The following FBXL17 variants were observed in gnomAD, a reference collection of about 807,000 sequenced individuals.
The protein encoded by FBXL17 is F-box and leucine rich repeat protein 17.
In FBXL17, 22 loss-of-function variants were observed where a neutral mutation model predicts 66.2. That is an observed-to-expected ratio of 0.33 (90% CI 0.24 to 0.47). The LOEUF is 0.47. Among genes scored for constraint, FBXL17 ranks in the 20% least tolerant of loss-of-function variants. FBXL17 has a pLI of 1.00. For missense variants in FBXL17, 878 were observed against 948.2 expected, an observed-to-expected ratio of 0.93 and a Z score of 0.97; for synonymous variants, 474 against 400.5, an observed-to-expected ratio of 1.18 and a Z score of -2.19.
chr5:108,375,871 A>G (rs1749389897), intron 1 of FBXL17, among the ~76,000 whole-genome samples: 1 of 152,226 alleles, frequency 6.6e-6, no homozygotes, highest in Non-Finnish European at 1.5e-5. Context: ...AATCTTCAAT[A>G]AAATATAAGG....
At chr5:108,249,187 T>C (rs1390559097) in intron 4 of FBXL17, among the ~76,000 whole-genome samples, 1 of 152,046 alleles carries the variant, frequency 6.6e-6, no homozygotes, top group Non-Finnish European at 1.5e-5. Context: ...GGTACACTAA[T>C]CATTCCTTGG....
intron 6 of FBXL17, among the ~76,000 whole-genome samples, chr5:108,026,293 T>G (rs1216578877): frequency 6.6e-6 from 1 of 152,248 alleles, no homozygotes; most frequent in African/African-American, 2.4e-5. Context: ...AATAGTTTTT[T>G]TTTAATCTTC....
intron 4 of FBXL17, among the ~76,000 whole-genome samples, chr5:108,256,267 C>T (rs1343940690): frequency 6.6e-6 from 1 of 152,120 alleles, no homozygotes; most frequent in Non-Finnish European, 1.5e-5. Flanking sequence ...AAGTACTATG[C>T]CTTCTAAAGA....
intron 4 of FBXL17, among the ~76,000 whole-genome samples, chr5:108,232,791 A>ATATATATATATATATATATATAT (rs1482414017): frequency 8.7e-6 from 1 of 114,962 alleles, no homozygotes; most frequent in Admixed American, 9.0e-5. Flanking sequence ...ACATATATAT[A>ATATATATATATATATATATATAT]TATATATATA....
At chr5:108,207,502 C>A (rs1037799469) in intron 5 of FBXL17, among the ~76,000 whole-genome samples, 8 of 152,072 alleles carry the variant, frequency 5.3e-5, no homozygotes, top group African/African-American at 1.9e-4. Flanking sequence ...CCAACAGGCC[C>A]CGGAGTGTGA....
intron 6 of FBXL17, among the ~76,000 whole-genome samples, chr5:108,062,591 T>C (rs1747964960): frequency 6.6e-6 from 1 of 152,152 alleles, no homozygotes; most frequent in African/African-American, 2.4e-5. Context: ...ATAGGAAACA[T>C]ATTAAATATA....
rs911744571 is a variant in FBXL17 at position 107,861,968 on chromosome 5, C to T, written c.1966-108G>A. The T allele has an allele frequency of 1.4e-5, 17 of 1,200,468 alleles. No homozygotes were observed. In the East Asian group the frequency reaches 2.8e-4, roughly 20 times the overall value. The allele number at this position is 1,200,468 out of a possible 1,614,324, so 74.4% of individuals were successfully genotyped here. ...GGCTCACTGTGACACGAAGAGCCCT[C>T]GCCTTGTTCCTCCTAGCGATGTGAG... On this transcript the variant is annotated intron_variant, in intron 8 of 8. Transcript: ENST00000542267.
At chr5:108,037,853 C>G (rs994381660) in intron 6 of FBXL17, among the ~76,000 whole-genome samples, 1 of 152,098 alleles carries the variant, frequency 6.6e-6, no homozygotes, top group African/African-American at 2.4e-5. Flanking sequence ...ACATTATGTG[C>G]CTCGTGATTT....
chr5:107,889,555 C>G (rs1749123421), intron 7 of FBXL17, among the ~76,000 whole-genome samples: 2 of 152,184 alleles, frequency 1.3e-5, no homozygotes, highest in Admixed American at 6.5e-5. Flanking sequence ...TTCAGAAGAG[C>G]AACACGTAGG....
intron 6 of FBXL17, among the ~76,000 whole-genome samples, chr5:108,165,846 T>C (rs996682684): frequency 2.0e-4 from 30 of 152,216 alleles, no homozygotes; most frequent in Non-Finnish European, 4.4e-4. Flanking sequence ...CTTATTAATG[T>C]ACACTTTAGT....
chr5:108,092,825 T>G (rs1749234832), intron 6 of FBXL17, among the ~76,000 whole-genome samples: 1 of 152,188 alleles, frequency 6.6e-6, no homozygotes, highest in Non-Finnish European at 1.5e-5. Flanking sequence ...ACTGTTAAGA[T>G]GTATGACATA....
Position 108,381,626 on chromosome 5 carries a change from A to G in FBXL17, c.66T>C (p.Ser22=), listed in dbSNP as rs1253435746. ...RPSQKRPRCC[S]WCRRRRPLLR... ...GGAGAGGGCGCCGGCGGCGGCACCA[A>G]CTGCAACAGCGAGGCCTCTTCTGGC... is the stretch of plus-strand genomic sequence containing the variant. Residue 22 remains serine (S), a synonymous_variant, in exon 1 of 9, where the codon AGT becomes AGC. Coordinates refer to ENST00000542267, the MANE Select transcript of FBXL17 (RefSeq NM_001163315.3). 4.0e-6 allele frequency: 6 copies of G among 1,493,408 alleles called. No individual in the cohort carries two copies. The highest frequency in any genetic ancestry group is 2.9e-5 in the African/African-American group (2 of 68,636). 92.5% of individuals were successfully genotyped at this position (1,493,408 alleles called of 1,614,324 possible). A position where few individuals can be genotyped will look rare whatever the true frequency, so the allele number is the denominator to read the frequency against.
At chr5:108,185,646 C>T (rs774348331) in intron 6 of FBXL17, among the ~76,000 whole-genome samples, 38 of 152,036 alleles carry the variant, frequency 2.5e-4, no homozygotes, top group Non-Finnish European at 4.9e-4. Context: ...ATTGCTTGAG[C>T]CCAGGAATTG....
intron 6 of FBXL17, among the ~76,000 whole-genome samples, chr5:108,073,402 A>T (rs1297118383): frequency 3.3e-5 from 5 of 152,108 alleles, no homozygotes; most frequent in African/African-American, 1.2e-4. Flanking sequence ...AAGTAAAAAG[A>T]AAGAAAATGT....
At chr5:108,017,667 T>C (rs546981782) in intron 7 of FBXL17, among the ~76,000 whole-genome samples, 6 of 152,304 alleles carry the variant, frequency 3.9e-5, no homozygotes, top group Admixed American at 3.9e-4. Context: ...ACACCTAAGT[T>C]TGATTTTTTT....
intron 4 of FBXL17, among the ~76,000 whole-genome samples, chr5:108,306,950 T>C (rs918841458): frequency 2.0e-5 from 3 of 152,094 alleles, no homozygotes; most frequent in African/African-American, 7.2e-5. Flanking sequence ...CCTCTCTTAA[T>C]CCCTCCCATT....
chr5:108,072,642 A>G (rs2112865754), intron 6 of FBXL17, among the ~76,000 whole-genome samples: 1 of 152,294 alleles, frequency 6.6e-6, no homozygotes, highest in Middle Eastern at 3.4e-3. Flanking sequence ...CGGGAGGCGG[A>G]GCTTACAGTG....
chr5:108,183,420 A>T (rs1012682681), intron 6 of FBXL17, among the ~76,000 whole-genome samples: 1 of 152,186 alleles, frequency 6.6e-6, no homozygotes, highest in Non-Finnish European at 1.5e-5. Context: ...TAAAACCACA[A>T]GATAGTATTT....
At chr5:107,998,343 A>T (rs1021595854) in intron 7 of FBXL17, among the ~76,000 whole-genome samples, 6 of 152,166 alleles carry the variant, frequency 3.9e-5, no homozygotes, top group African/African-American at 1.4e-4. Context: ...TAGGCAAGTG[A>T]CAATACATAG....
Sources: gnomAD v4.1 joint callset for allele counts (sites outside exome capture counted in the v4.1 genomes callset) on GRCh38, gnomAD v4.1.1 for gene constraint, MANE v1.5 for transcripts, NCBI Gene and HGNC (gene_info 2026-07-23, HGNC 2026-07-21) for gene names.